The following TNXB variants were observed in gnomAD, a reference collection of about 807,000 sequenced individuals.
TNXB encodes tenascin-X.
TNXB carries 183 observed loss-of-function variants against 340.5 expected under a neutral mutation model. The ratio of observed to expected loss-of-function variants is 0.54; its 90% CI spans 0.48 to 0.61. The LOEUF (loss-of-function observed/expected upper bound fraction) is 0.61. Among genes scored for constraint, TNXB ranks in the 20% least tolerant of loss-of-function variants. The pLI is 0.00. For missense variants in TNXB, 4,613 were observed against 5,446.4 expected, an observed-to-expected ratio of 0.85 and a Z score of 4.82; for synonymous variants, 2,121 against 2,314.5, an observed-to-expected ratio of 0.92 and a Z score of 2.40.
rs1376415488 is a variant in TNXB, at chr6:32,053,375, A to G, written c.8791+13T>C. ...CCACAGGCCCCACTCTGGGGCTCCC[A>G]TCGTACACTCACCTGTCACCCCAAT... On this transcript the variant is annotated intron_variant, in intron 25 of 43. Transcript: ENST00000644971. The G allele has an allele frequency of 3.1e-6, 5 of 1,610,726 alleles. No individual in the cohort carries two copies. Among genetic ancestry groups the G allele is most frequent in the Non-Finnish European group, 8.5e-7 (1 of 1,179,120 alleles).
At chr6:32,101,077 CAAAAAAAAA>C (rs35800696) in intron 1 of TNXB, among the ~76,000 whole-genome samples, 1 of 46,962 alleles carries the variant, frequency 2.1e-5, no homozygotes, top group East Asian at 5.0e-4. Flanking sequence ...AACTCCATCT[CAAAAAAAAA>C]AAAAAAAAAA....
intron 35 of TNXB, 55 bp from the exon 36 acceptor site, chr6:32,043,611 C>T (rs1776601949): frequency 7.6e-7 from 1 of 1,318,128 alleles, no homozygotes; most frequent in Non-Finnish European, 1.1e-6. Flanking sequence ...TACTCCGTGC[C>T]TCCCCAGACT....
At position 32,047,894 on chromosome 6, in the gene TNXB, C is replaced by A; in HGVS notation, c.10164G>T (p.Gln3388His). The change falls in exon 30 of 44, where the codon CAG (glutamine) becomes CAT (histidine). Residue 3388 changes from glutamine (Q) to histidine (H), a missense_variant. Coordinates refer to ENST00000644971, the MANE Select transcript of TNXB (RefSeq NM_001365276.2). The surrounding 1 kb of genome is among the most constrained non-coding windows in gnomAD (Gnocchi z 6.2). ...GGAGCCGACCATCCTTATCCTTGTA[C>A]TGGACCACGAAGGAGTCGAATTCGC... ...PEGEFDSFVVQYKDKDGRLQV... is the reference protein window; with the variant it reads ...PEGEFDSFVVHYKDKDGRLQV... 6.2e-7 allele frequency: 1 copy of A among 1,612,678 alleles called. No homozygotes were observed. Among genetic ancestry groups the A allele is most frequent in the East Asian group, 2.2e-5 (1 of 44,890 alleles).
chr6:32,103,550 GT>G (rs1176120117), intron 1 of TNXB, among the ~76,000 whole-genome samples: 2 of 151,536 alleles, frequency 1.3e-5, no homozygotes, highest in Non-Finnish European at 2.9e-5. Context: ...TGTATTTGAT[GT>G]TTACATTTCC....
At chr6:32,055,325 C>T (rs1400579714) in intron 24 of TNXB, among the ~76,000 whole-genome samples, 1 of 152,164 alleles carries the variant, frequency 6.6e-6, no homozygotes, top group East Asian at 1.9e-4. Context: ...TTCTGGAGGT[C>T]GTTGGCCAGA....
Position 32,096,155 on chromosome 6 carries a change from G to C in TNXB, c.1698C>G (p.Arg566=). Residue 566 remains arginine, a synonymous_variant, in exon 3 of 44, where the codon CGC becomes CGG. Transcript: ENST00000644971. ...TRSCPGGCRG[R]GQCLDGRCVC... ...CACACCGCCCATCTAGGCACTGGCCGCGGCCTCGGCAGCCCCCGGGGCAGC... is the reference window on the plus strand; with the variant it reads ...CACACCGCCCATCTAGGCACTGGCCCCGGCCTCGGCAGCCCCCGGGGCAGC... 1 of 1,584,736 alleles carries C rather than the reference G, an allele frequency of 6.3e-7. No homozygotes were observed. Among genetic ancestry groups the C allele is most frequent in the Non-Finnish European group, 8.6e-7 (1 of 1,167,706 alleles).
intron 1 of TNXB, among the ~76,000 whole-genome samples, chr6:32,107,248 T>C (rs560291861): frequency 6.6e-6 from 1 of 152,210 alleles, no homozygotes; most frequent in Non-Finnish European, 1.5e-5. Flanking sequence ...ATTCCTCATC[T>C]TTCCCTGCAC....
rs1582502353 is a variant in TNXB at position 32,108,352 on chromosome 6, G to C, written c.-9+829C>G. 6.6e-6 allele frequency among the ~76,000 whole-genome samples: 1 copy of C among 152,188 alleles called. No homozygotes were observed. Among genetic ancestry groups the C allele is most frequent in the Non-Finnish European group, 1.5e-5 (1 of 68,028 alleles). ...CCCGGGGCGTGTCACGTGTACTGGT[G>C]GTGGGGGGCGGGGGCGGCGAGGTGA... On this transcript the variant is annotated intron_variant, in intron 1 of 43. Coordinates refer to ENST00000644971, the MANE Select transcript of TNXB (RefSeq NM_001365276.2). The surrounding 1 kb of genome is among the most constrained non-coding windows in gnomAD (Gnocchi z 4.8).
intron 1 of TNXB, among the ~76,000 whole-genome samples, chr6:32,103,979 C>T (rs561123364): frequency 3.5e-4 from 54 of 152,266 alleles, no homozygotes; most frequent in African/African-American, 1.3e-3. Context: ...GATCTGCCCA[C>T]CTCGGCCTCC....
At chr6:32,106,953 G>T (rs1192755066) in intron 1 of TNXB, among the ~76,000 whole-genome samples, 4 of 152,242 alleles carry the variant, frequency 2.6e-5, no homozygotes, top group African/African-American at 9.6e-5. Context: ...CCCAAAACCT[G>T]CATCCTTGTA....
Position 32,097,200 on chromosome 6 carries a change from C to T in TNXB, c.653G>A (p.Cys218Tyr). 6.3e-7 allele frequency: 1 copy of T among 1,596,712 alleles called. No homozygotes were observed. Among genetic ancestry groups the T allele is most frequent in the Non-Finnish European group, 8.5e-7 (1 of 1,172,304 alleles). ...CCCACGGCCTTGGCAGTCCCCGGGA[C>T]AGGATGGCCAGCCACAGCTGGGGCC... ...YTGPSCGWPS[C>Y]PGDCQGRGRC... The change falls in exon 3 of 44, where the codon TGT becomes TAT. Residue 218 changes from cysteine to tyrosine, a missense_variant. Physicochemically the swap from Cys to Tyr is radical, Grantham distance 194 (BLOSUM62 -2). Around this residue, in one of 7 missense-constraint regions of TNXB, gnomAD observed 4,327 missense variants for 4,859.4 expected, o/e 0.89. Coordinates refer to ENST00000644971, the MANE Select transcript of TNXB (RefSeq NM_001365276.2). The surrounding 1 kb of genome is among the most constrained non-coding windows in gnomAD (Gnocchi z 5.9).
intron 28 of TNXB, among the ~76,000 whole-genome samples, chr6:32,048,857 C>T (rs1777074034): frequency 6.6e-6 from 1 of 152,222 alleles, no homozygotes; most frequent in Admixed American, 6.5e-5. Context: ...CCATTATTAT[C>T]ATCACCCCAA....
At chr6:32,066,020 T>C (rs1304271980) in intron 18 of TNXB, among the ~76,000 whole-genome samples, 4 of 152,152 alleles carry the variant, frequency 2.6e-5, no homozygotes, top group Non-Finnish European at 5.9e-5. Context: ...GATGAAAGCA[T>C]AGGATGTCTG....
chr6:32,104,371 T>C (rs1402195443), intron 1 of TNXB, among the ~76,000 whole-genome samples: 2 of 152,198 alleles, frequency 1.3e-5, no homozygotes, highest in African/African-American at 2.4e-5. Flanking sequence ...AAATTCACCA[T>C]GCCTGTAACC....
Position 32,082,318 on chromosome 6 carries a change from T to A in TNXB, c.3454A>T (p.Ser1152Cys). 6.3e-7 allele frequency: 1 copy of A among 1,594,264 alleles called. No homozygotes were observed. Residue 1152 changes from serine to cysteine, a missense_variant, in exon 9 of 44, where the codon AGT becomes TGT. Ser to Cys is a moderately radical substitution (Grantham distance 112). Coordinates refer to ENST00000644971, the MANE Select transcript of TNXB (RefSeq NM_001365276.2). The surrounding 1 kb of genome is among the most constrained non-coding windows in gnomAD (Gnocchi z 5.0). ...GGTGGAGTCCCTGGACTTGGGTCAC[T>A]CTGAGGCACTAGGAAGAGTGGGTAG... Reference protein sequence around the residue: ...LVAEAKILPQSDPSPGTPPHL... With the variant: ...LVAEAKILPQCDPSPGTPPHL...
In TNXB at chr6:32,049,578, G is replaced by T; in HGVS notation, c.9449C>A (p.Thr3150Asn). Reference sequence around the variant, plus strand: ...AGTGCTGGGTTCTGTGGGGCTGGGGGTCTCTTCCTCTGCAGTGGAGAAGGA... The same window carrying T: ...AGTGCTGGGTTCTGTGGGGCTGGGGTTCTCTTCCTCTGCAGTGGAGAAGGA... ...VSAIGVTEEETPSPTEPSTEA... is the reference protein window; with the variant it reads ...VSAIGVTEEENPSPTEPSTEA... Residue 3150 changes from threonine (T) to asparagine (N), a missense_variant, in exon 28 of 44, where the codon ACC (threonine) becomes AAC (asparagine). Around this residue, in one of 7 missense-constraint regions of TNXB, gnomAD observed 4,327 missense variants for 4,859.4 expected, o/e 0.89. Coordinates refer to ENST00000644971, the MANE Select transcript of TNXB (RefSeq NM_001365276.2). This position sits in a 1 kb window ranked among gnomAD's most constrained non-coding sequence, Gnocchi z 4.5. 1.2e-6 allele frequency: 2 copies of T among 1,611,444 alleles called. No individual in the cohort carries two copies. The highest frequency in any genetic ancestry group is 1.7e-6 in the Non-Finnish European group (2 of 1,179,078).
intron 28 of TNXB, 95 bp from the exon 29 acceptor site, chr6:32,048,745 G>T (rs1207126859): frequency 3.3e-6 from 4 of 1,230,512 alleles, no homozygotes; most frequent in Non-Finnish European, 4.2e-6. Context: ...TTTCTTAGCG[G>T]CCTCCTCTAA....
intron 6 of TNXB, among the ~76,000 whole-genome samples, 194 bp from the exon 7 acceptor site, chr6:32,086,312 G>A (rs1779772201): frequency 6.6e-6 from 1 of 152,164 alleles, no homozygotes; most frequent in African/African-American, 2.4e-5. Context: ...ACATTCCTGA[G>A]CAGACGGGCC....
Position 32,098,087 on chromosome 6 carries a change from G to C in TNXB, c.112C>G (p.Arg38Gly). Residue 38 changes from arginine to glycine, a missense_variant, in exon 2 of 44, where the codon CGG becomes GGG. This residue lies in a region of TNXB where 4,327 missense variants were observed against 4,859.4 expected (regional missense o/e 0.89). Coordinates refer to ENST00000644971, the MANE Select transcript of TNXB (RefSeq NM_001365276.2). ...TGGCCCCCTGGCTGGGGAGGGGGCCGGGGGGCTGGCAGTGTCACATTGGAC... is the reference window on the plus strand; with the variant it reads ...TGGCCCCCTGGCTGGGGAGGGGGCCCGGGGGCTGGCAGTGTCACATTGGAC... ...SRSNVTLPAP[R>G]PPPQPGGHTV... 2 of 1,603,748 alleles carry C rather than the reference G, an allele frequency of 1.2e-6. No homozygotes were observed. The highest frequency in any genetic ancestry group is 1.1e-5 in the South Asian group (1 of 89,400).
Sources: gnomAD v4.1 joint callset for allele counts (sites outside exome capture counted in the v4.1 genomes callset) on GRCh38, gnomAD v4.1.1 for gene constraint, gnomAD v4.1.1 regional missense constraint, Gnocchi (gnomAD v3.1) non-coding constraint, MANE v1.5 for transcripts, NCBI Gene and HGNC (gene_info 2026-07-23, HGNC 2026-07-21) for gene names.